Variants in EMID1 observed in about 807,000 individuals in gnomAD.
EMID1 encodes the protein EMI domain-containing protein 1.
A neutral mutation model predicts 60.6 loss-of-function variants in EMID1; 40 were observed. The ratio of observed to expected loss-of-function variants is 0.66; its 90% CI spans 0.51 to 0.86. EMID1 has a LOEUF of 0.86. Ranked by LOEUF, EMID1 falls within the 40% of genes least tolerant of loss-of-function variation. The pLI is 0.00. For synonymous variants in EMID1, 242 were observed against 231.0 expected, an observed-to-expected ratio of 1.05 and a Z score of -0.43; for missense variants, 585 against 597.1, an observed-to-expected ratio of 0.98 and a Z score of 0.21.
At chr22:29,224,289 C>A (rs1239862794) in intron 3 of EMID1, among the ~76,000 whole-genome samples, 2 of 152,236 alleles carry the variant, frequency 1.3e-5, no homozygotes, top group African/African-American at 4.8e-5. Context: ...TCCTCCCAGA[C>A]AACATTTCGT....
chr22:29,244,501 T>C (rs762473704), intron 13 of EMID1, among the ~76,000 whole-genome samples: 22 of 151,962 alleles, frequency 1.4e-4, no homozygotes, highest in South Asian at 1.0e-3. Context: ...TAGCTGGACA[T>C]GGTGGTACGC....
chr22:29,249,669 C>CA (rs2041455658), intron 13 of EMID1, among the ~76,000 whole-genome samples: 1 of 151,932 alleles, frequency 6.6e-6, no homozygotes, highest in South Asian at 2.1e-4. Context: ...GGCTGGAGGG[C>CA]AATGGTGCAA....
At chr22:29,206,376 AG>A (rs1446695572) in intron 1 of EMID1, among the ~76,000 whole-genome samples, 1 of 152,072 alleles carries the variant, frequency 6.6e-6, no homozygotes, top group Non-Finnish European at 1.5e-5. Context: ...GCTCGAGAGG[AG>A]GGGGAAGGGG....
intron 3 of EMID1, among the ~76,000 whole-genome samples, chr22:29,223,203 C>T (rs1056760625): frequency 6.6e-6 from 1 of 152,186 alleles, no homozygotes; most frequent in Admixed American, 6.5e-5. Context: ...GGCTGATGTT[C>T]CAGCCAGGAG....
At chr22:29,216,109 C>T (rs181281990) in intron 3 of EMID1, among the ~76,000 whole-genome samples, 3 of 152,186 alleles carry the variant, frequency 2.0e-5, no homozygotes, top group Admixed American at 6.5e-5. Context: ...CCCGCCCCCC[C>T]ACCCCTGGGC....
intron 3 of EMID1, chr22:29,216,285 C>T (rs2040080042): frequency 1.0e-6 from 1 of 984,714 alleles, no homozygotes; most frequent in Non-Finnish European, 1.2e-6. Context: ...AGGAGCCTGG[C>T]CACACTCTCC....
At chr22:29,222,502 C>G (rs1166331994) in intron 3 of EMID1, among the ~76,000 whole-genome samples, 1 of 148,822 alleles carries the variant, frequency 6.7e-6, no homozygotes, top group Non-Finnish European at 1.5e-5. Context: ...CTCCCAGGTT[C>G]AAGCGATTCT....
At chr22:29,223,994 A>C (rs1049679575) in intron 3 of EMID1, among the ~76,000 whole-genome samples, 5 of 152,210 alleles carry the variant, frequency 3.3e-5, no homozygotes, top group Admixed American at 2.6e-4. Flanking sequence ...GGGAGTCCCC[A>C]GTGCCGGCCC....
chr22:29,258,721 C>A (rs933645345), intron 14 of EMID1, 96 bp from the exon 15 acceptor site: 1 of 1,512,232 alleles, frequency 6.6e-7, no homozygotes, highest in African/African-American at 1.4e-5. Flanking sequence ...CCTGGCAGAG[C>A]GTGCCCGGTT....
At chr22:29,208,057 G>C (rs538066578) in intron 1 of EMID1, among the ~76,000 whole-genome samples, 1 of 152,178 alleles carries the variant, frequency 6.6e-6, no homozygotes, top group Non-Finnish European at 1.5e-5. Flanking sequence ...GACCAGCACC[G>C]GGCCTCACCT....
chr22:29,225,327 T>G (rs1601945549), intron 4 of EMID1, 111 bp downstream of exon 4: 1 of 1,109,442 alleles, frequency 9.0e-7, no homozygotes, highest in South Asian at 1.4e-5. Context: ...CAGTGGAGGG[T>G]CAAGGACAGT....
chr22:29,206,865 C>A (rs1030287133), intron 1 of EMID1, among the ~76,000 whole-genome samples: 5 of 152,228 alleles, frequency 3.3e-5, no homozygotes, highest in Admixed American at 1.3e-4. Context: ...AGGGAATTGG[C>A]ATCATCTTTT....
intron 3 of EMID1, among the ~76,000 whole-genome samples, chr22:29,224,911 C>T (rs113913161): frequency 0.014 from 2,187 of 152,334 alleles, 41 homozygotes; most frequent in African/African-American, 0.05. Flanking sequence ...CTATGGCCCC[C>T]GCCCCATTGC....
intron 14 of EMID1, among the ~76,000 whole-genome samples, chr22:29,255,096 G>A (rs1602065274): frequency 6.6e-6 from 1 of 152,312 alleles, no homozygotes; most frequent in Non-Finnish European, 1.5e-5. Context: ...TGAGGAGCCA[G>A]GCCAGCCCTG....
rs1320095094 is a variant in EMID1, at chr22:29,233,476, G to A, written c.913+8G>A. The A allele has an allele frequency of 6.2e-7, 1 of 1,613,838 alleles. No individual in the cohort carries two copies. The highest frequency in any genetic ancestry group is 2.2e-5 in the East Asian group (1 of 44,892). On this transcript the variant is annotated splice_region_variant and intron_variant, in intron 9 of 14. Coordinates refer to ENST00000334018, the MANE Select transcript of EMID1 (RefSeq NM_133455.4). Reference sequence around the variant, plus strand: ...GCCCTCCAGGGCCCATGGGTAAGTTGAGTCCAGGCCAGGGGTAAAGGGTGA... The same window carrying A: ...GCCCTCCAGGGCCCATGGGTAAGTTAAGTCCAGGCCAGGGGTAAAGGGTGA...
intron 13 of EMID1, among the ~76,000 whole-genome samples, chr22:29,249,564 C>T (rs1343429658): frequency 6.6e-6 from 1 of 150,438 alleles, no homozygotes; most frequent in African/African-American, 2.5e-5. Flanking sequence ...TGAGCCACTG[C>T]GCCTGACCCC....
At chr22:29,217,767 A>T (rs2146172445) in intron 3 of EMID1, among the ~76,000 whole-genome samples, 1 of 152,138 alleles carries the variant, frequency 6.6e-6, no homozygotes, top group South Asian at 2.1e-4. Flanking sequence ...GGGTCCTAGG[A>T]ATGGGGAGCA....
At chr22:29,217,760 T>A (rs2040140484) in intron 3 of EMID1, among the ~76,000 whole-genome samples, 1 of 151,826 alleles carries the variant, frequency 6.6e-6, no homozygotes, top group Non-Finnish European at 1.5e-5. Flanking sequence ...TCTGCTGGGG[T>A]CCTAGGAATG....
chr22:29,249,530 C>T (rs1222404833), intron 13 of EMID1, among the ~76,000 whole-genome samples: 1 of 151,902 alleles, frequency 6.6e-6, no homozygotes, highest in Non-Finnish European at 1.5e-5. Flanking sequence ...ATCTCAGCCT[C>T]CCAAAGTGCT....
Sources: gnomAD v4.1 joint callset for allele counts (sites outside exome capture counted in the v4.1 genomes callset) on GRCh38, gnomAD v4.1.1 for gene constraint, MANE v1.5 for transcripts, NCBI Gene and HGNC (gene_info 2026-07-23, HGNC 2026-07-21) for gene names.